The following CAPNS1 variants were observed in gnomAD, a reference collection of about 807,000 sequenced individuals.
CAPNS1 encodes calpain small subunit 1.
Under a neutral mutation model 39.2 loss-of-function variants are expected in CAPNS1, and 32 were observed. The ratio of observed to expected loss-of-function variants is 0.82; its 90% CI spans 0.62 to 1.10. The LOEUF (loss-of-function observed/expected upper bound fraction) is 1.10, where lower values mean the gene tolerates loss of function less well. Among genes scored for constraint, CAPNS1 ranks in the 50% least tolerant of loss-of-function variants. The probability of loss-of-function intolerance (pLI) is 0.00; values close to 1 mark genes in which losing one functional copy is unlikely to be tolerated. For synonymous variants in CAPNS1, 153 were observed against 136.2 expected (o/e 1.12, Z -0.86); for missense variants, 353 against 373.1 (o/e 0.95, Z 0.44).
chr19:36,143,012 G>A (rs750141458), intron 5 of CAPNS1, 46 bp downstream of exon 5: 1 of 1,612,614 alleles, frequency 6.2e-7, no homozygotes. Flanking sequence ...GAGGCAGAGG[G>A]GTCAGAGAGG....
In CAPNS1 at chr19:36,142,343, C is replaced by T. The variant is rs750234369; in HGVS notation, c.243+10C>T. On this transcript the variant is annotated intron_variant, in intron 3 of 10. Coordinates refer to ENST00000246533, the MANE Select transcript of CAPNS1 (RefSeq NM_001749.4). ...CAACCCGGAGCCCCCGGTAAGCCCC[C>T]TCTGCAACCAGACCCCCTTCTCCTG... is the stretch of plus-strand genomic sequence containing the variant. 1.3e-6 allele frequency: 2 copies of T among 1,503,430 alleles called. No individual in the cohort carries two copies. The highest frequency in any genetic ancestry group is 2.3e-5 in the East Asian group (1 of 43,736). 93.1% of individuals were successfully genotyped at this position (1,503,430 alleles called of 1,614,324 possible).
At chr19:36,147,333 G>A (rs1974603937) in intron 9 of CAPNS1, among the ~76,000 whole-genome samples, 1 of 152,218 alleles carries the variant, frequency 6.6e-6, no homozygotes. Context: ...GTAAGAGAAG[G>A]TAGGAGCAGT....
rs17878938 is a variant in CAPNS1 at position 36,150,107 on chromosome 19, G to C, written c.*268G>C. ...ACCAGGCCCTGCACACACCCACTCC[G>C]TAACCTCTCCCCTGTACCTGTGCCA... On this transcript the variant is annotated 3_prime_UTR_variant, in exon 11 of 11. Coordinates refer to ENST00000246533, the MANE Select transcript of CAPNS1 (RefSeq NM_001749.4). The C allele has an allele frequency of 3.5e-5, 13 of 371,818 alleles. No individual in the cohort carries two copies. Among genetic ancestry groups the C allele is most frequent in the South Asian group, 1.2e-4 (1 of 8,056 alleles). 23.0% of individuals were successfully genotyped at this position (371,818 alleles called of 1,614,324 possible). A position where few individuals can be genotyped will look rare whatever the true frequency, so the allele number is the denominator to read the frequency against.
At chr19:36,149,781 C>A (rs1974709030) in intron 10 of CAPNS1, 32 bp from the exon 11 acceptor site, 1 of 1,567,530 alleles carries the variant, frequency 6.4e-7, no homozygotes, top group Non-Finnish European at 8.7e-7. Context: ...CTTGGGGTTC[C>A]CTGTCCTCAC....
Position 36,143,086 on chromosome 19 carries a change from T to G in CAPNS1, c.414T>G (p.Gly138=), listed in dbSNP as rs747082922. 23 of 1,614,018 alleles carry G rather than the reference T, an allele frequency of 1.4e-5. No homozygotes were observed. In the South Asian group the frequency reaches 2.4e-4, roughly 17 times the overall value. Residue 138 remains glycine (G), a synonymous_variant, in exon 6 of 11, where the codon GGT becomes GGG. Transcript: ENST00000246533. ...VTRHPDLKTD[G]FGIDTCRSMV... ...CAGACCCTGATCTGAAGACTGATGG[T>G]TTTGGCATTGACACATGTCGCAGCA...
intron 6 of CAPNS1, among the ~76,000 whole-genome samples, chr19:36,145,169 A>T (rs1451165155): frequency 6.7e-6 from 1 of 148,550 alleles, no homozygotes; most frequent in Non-Finnish European, 1.5e-5. Context: ...TTTTTATGAA[A>T]TTGAGTTACT....
At position 36,141,032 on chromosome 19, in the gene CAPNS1, C is replaced by G. The variant is rs749576552; in HGVS notation, c.21C>G (p.Phe7Leu). The change falls in exon 2 of 11, where the codon TTC (phenylalanine) becomes TTG (leucine). Residue 7 changes from phenylalanine (F) to leucine (L), a missense_variant. Coordinates refer to ENST00000246533, the MANE Select transcript of CAPNS1 (RefSeq NM_001749.4). MFLVNS[F>L]LKGGGGGGGG... ...CAGCCATGTTCCTGGTTAACTCGTT[C>G]TTGAAGGGCGGCGGCGGCGGCGGCG... The G allele has an allele frequency of 6.7e-7, 1 of 1,498,924 alleles. No homozygotes were observed. Among genetic ancestry groups the G allele is most frequent in the Non-Finnish European group, 9.0e-7 (1 of 1,105,538 alleles). The allele number at this position is 1,498,924 out of a possible 1,614,324, so 92.9% of individuals were successfully genotyped here. A position where few individuals can be genotyped will look rare whatever the true frequency, so the allele number is the denominator to read the frequency against.
At position 36,142,313 on chromosome 19, in the gene CAPNS1, C is replaced by T; in HGVS notation, c.223C>T (p.Gln75Ter). 6.3e-7 allele frequency: 1 copy of T among 1,586,828 alleles called. No homozygotes were observed. Among genetic ancestry groups the T allele is most frequent in the Non-Finnish European group, 8.6e-7 (1 of 1,161,688 alleles). ...ATCTCTTCGCAGCGAGGCGGCTGCG[C>T]AGTACAACCCGGAGCCCCCGGTAAG... ...VISAISEAAAQYNPEPPPPRT... is the reference protein window; with the variant it reads ...VISAISEAAA Residue 75 changes from glutamine to a stop codon, truncating the protein, a stop_gained, in exon 3 of 11, where the codon CAG (glutamine) becomes TAG (stop). Transcript: ENST00000246533. LOFTEE classifies it high-confidence loss of function.
rs780013833 is a variant in CAPNS1, at chr19:36,149,668, TG to T, written c.780+35del. 3.6e-5 allele frequency: 58 copies of T among 1,590,500 alleles called. No homozygotes were observed. The African/African-American group carries it at 7.0e-4, about 19-fold the overall frequency. ...ACCCCCATATTGGGGTATGGGTGCC[TG>T]GGAGGACCCCACCCCTCAGCCCTTC... On this transcript the variant is annotated intron_variant, in intron 10 of 10. Transcript: ENST00000246533.
At chr19:36,145,710 TG>T in intron 6 of CAPNS1, 95 bp from the exon 7 acceptor site, 1 of 1,060,516 alleles carries the variant, frequency 9.4e-7, no homozygotes, top group Non-Finnish European at 1.4e-6. Context: ...GTTTCAGCCC[TG>T]GCTGCCCTGC....
chr19:36,143,272 G>C, intron 6 of CAPNS1, 144 bp downstream of exon 6: 1 of 765,406 alleles, frequency 1.3e-6, no homozygotes, highest in Non-Finnish European at 2.3e-6. Context: ...ACATGTGGCG[G>C]TAAATCATAA....
At chr19:36,144,650 T>C (rs1330972495) in intron 6 of CAPNS1, among the ~76,000 whole-genome samples, 1 of 152,062 alleles carries the variant, frequency 6.6e-6, no homozygotes, top group Admixed American at 6.5e-5. Flanking sequence ...TCCCAAAGTG[T>C]TGGGATTACA....
chr19:36,140,739 G>C, intron 1 of CAPNS1: 1 of 431,988 alleles, frequency 2.3e-6, no homozygotes, highest in Non-Finnish European at 4.1e-6. Flanking sequence ...ACCCCCACCA[G>C]ATCTGCACCC....
rs1974697526 is a variant in CAPNS1, at chr19:36,149,559, T to C, written c.722-19T>C. ...CTCCTTCCTTCCCTGCCGCCAAACCTCTGCATCTCCTCCTCCAGGTGCCTT... is the reference window on the plus strand; with the variant it reads ...CTCCTTCCTTCCCTGCCGCCAAACCCCTGCATCTCCTCCTCCAGGTGCCTT... On this transcript the variant is annotated intron_variant, in intron 9 of 10. Transcript: ENST00000246533. 1 of 1,462,796 alleles carries C rather than the reference T, an allele frequency of 6.8e-7. No homozygotes were observed. Among genetic ancestry groups the C allele is most frequent in the South Asian group, 1.5e-5 (1 of 67,596 alleles). The allele number at this position is 1,462,796 out of a possible 1,614,324, so 90.6% of individuals were successfully genotyped here.
chr19:36,141,124 G>T lies in CAPNS1; in HGVS notation c.113G>T (p.Gly38Val). Residue 38 changes from glycine (G) to valine (V), a missense_variant, in exon 2 of 11, where the codon GGC becomes GTC. By Grantham distance (109) the Gly-to-Val change is moderately radical. Transcript: ENST00000246533. ...VLGGLISGAGGGGGGGGGGGG... is the reference protein window; with the variant it reads ...VLGGLISGAGVGGGGGGGGGG... The stretch of plus-strand genomic sequence containing the variant: ...GGAGGCCTGATCAGCGGGGCCGGGG[G>T]CGGCGGCGGCGGCGGCGGCGGCGGC... 21 of 1,175,020 alleles carry T rather than the reference G, an allele frequency of 1.8e-5. No individual in the cohort carries two copies. Among genetic ancestry groups the T allele is most frequent in the Non-Finnish European group, 2.3e-5 (21 of 910,620 alleles). The allele number at this position is 1,175,020 out of a possible 1,614,324, so 72.8% of individuals were successfully genotyped here. A position where few individuals can be genotyped will look rare whatever the true frequency, so the allele number is the denominator to read the frequency against.
chr19:36,149,678 C>T, intron 10 of CAPNS1, 42 bp downstream of exon 10: 1 of 1,591,154 alleles, frequency 6.3e-7, no homozygotes, highest in South Asian at 1.1e-5. Context: ...TGGGAGGACC[C>T]CACCCCTCAG....
In CAPNS1 at chr19:36,141,301, TA is replaced by T. The variant is rs1317467227; in HGVS notation, c.209+86del. On this transcript the variant is annotated intron_variant, in intron 2 of 10. Coordinates refer to ENST00000246533, the MANE Select transcript of CAPNS1 (RefSeq NM_001749.4). ...GGCGTGGTCTGGGAGGGGCGTGGTC[TA>T]AAAATAGAATAGGATTAACCTGGAG... 8 of 1,430,098 alleles carry T rather than the reference TA, an allele frequency of 5.6e-6. No individual in the cohort carries two copies. The African/African-American group carries it at 6.0e-5, about 11-fold the overall frequency. 88.6% of individuals were successfully genotyped at this position (1,430,098 alleles called of 1,614,324 possible).
chr19:36,146,891 G>C (rs1331036097), intron 9 of CAPNS1, among the ~76,000 whole-genome samples: 1 of 152,192 alleles, frequency 6.6e-6, no homozygotes, highest in African/African-American at 2.4e-5. Context: ...TGTTGCCCAG[G>C]CTGGAGTGCA....
intron 9 of CAPNS1, among the ~76,000 whole-genome samples, chr19:36,148,686 G>A (rs371819944): frequency 5.9e-5 from 9 of 151,908 alleles, no homozygotes; most frequent in South Asian, 2.1e-4. Context: ...GGTGGTGCAC[G>A]CCTGTAGTCC....
Sources: gnomAD v4.1 joint callset for allele counts (sites outside exome capture counted in the v4.1 genomes callset) on GRCh38, gnomAD v4.1.1 for gene constraint, MANE v1.5 for transcripts, NCBI Gene and HGNC (gene_info 2026-07-23, HGNC 2026-07-21) for gene names.